Variants in CFAP74 observed in about 807,000 individuals in gnomAD.
The protein encoded by CFAP74 is cilia- and flagella-associated protein 74.
A neutral mutation model predicts 188.9 loss-of-function variants in CFAP74; 124 were observed. The observed-to-expected ratio is 0.66, with a 90% CI of 0.57 to 0.76. The LOEUF (loss-of-function observed/expected upper bound fraction) is 0.76. CFAP74 is among the 30% of genes least tolerant of loss of function. CFAP74 has a pLI of 0.00. For synonymous variants in CFAP74, 956 were observed against 916.7 expected (o/e 1.04, Z -0.77); for missense variants, 2,198 against 2,165.2 (o/e 1.02, Z -0.30).
chr1:1,983,512 G>A (rs1050809391), intron 6 of CFAP74, among the ~76,000 whole-genome samples: 3 of 152,194 alleles, frequency 2.0e-5, no homozygotes, highest in Non-Finnish European at 4.4e-5. Flanking sequence ...CGCAACGTCC[G>A]CCTGTCACAG....
intron 10 of CFAP74, among the ~76,000 whole-genome samples, chr1:1,969,484 A>G (rs1252628561): frequency 1.2e-5 from 1 of 84,646 alleles, no homozygotes; most frequent in African/African-American, 4.6e-5. Flanking sequence ...TGCCCGGCCC[A>G]GCCCTGCCCA....
intron 1 of CFAP74, 23 bp from the exon 2 acceptor site, chr1:1,990,998 A>G: frequency 6.9e-7 from 1 of 1,445,158 alleles, no homozygotes; most frequent in Non-Finnish European, 9.6e-7. Context: ...ATCGCAAAAT[A>G]TAGATCAATA....
At chr1:1,962,476 C>CA (rs556157241) in intron 14 of CFAP74, among the ~76,000 whole-genome samples, 22,624 of 69,036 alleles carry the variant, frequency 0.33, 2,768 homozygotes, top group Non-Finnish European at 0.4. Context: ...AACTCCATCT[C>CA]AAAAAAAAAA....
In CFAP74 at chr1:1,970,968, ATGCACACC is replaced by A. The variant is rs1558041821; in HGVS notation, c.889-160_889-153del. The A allele has an allele frequency of 4.2e-5, 38 of 896,214 alleles. 1 individual carries two copies. The South Asian group carries it at 5.6e-4, about 13-fold the overall frequency. The allele number at this position is 896,214 out of a possible 1,614,324, so 55.5% of individuals were successfully genotyped here. ...ACACCTGCACATGCACACATCACAC[ATGCACACC>A]TGCACACACGTGCACACACACACGC... On this transcript the variant is annotated intron_variant, in intron 9 of 38. Coordinates refer to ENST00000682832, the MANE Select transcript of CFAP74 (RefSeq NM_001304360.2).
chr1:1,987,914 C>T (rs1558062116), intron 4 of CFAP74: 2 of 337,964 alleles, frequency 5.9e-6, no homozygotes, highest in African/African-American at 2.2e-5. Context: ...GGGTGAAGTA[C>T]CCAAGTTAGG....
In CFAP74 at chr1:1,973,314, G is replaced by T. The variant is rs1387058495; in HGVS notation, c.675-267C>A. ...TTTGATCCCAGCTGGGCAGGGGTCT[G>T]GGAAGAGGACGGTGCAGGCACAGCA... On this transcript the variant is annotated intron_variant, in intron 7 of 38. Coordinates refer to ENST00000682832, the MANE Select transcript of CFAP74 (RefSeq NM_001304360.2). This position sits in a 1 kb window ranked among gnomAD's most constrained non-coding sequence, Gnocchi z 6.2. Among the ~76,000 whole-genome samples the T allele has an allele frequency of 6.6e-6, 1 of 152,216 alleles. No individual in the cohort carries two copies. Among genetic ancestry groups the T allele is most frequent in the East Asian group, 1.9e-4 (1 of 5,196 alleles).
chr1:1,987,380 G>T (rs1657307440), intron 4 of CFAP74, among the ~76,000 whole-genome samples: 1 of 152,152 alleles, frequency 6.6e-6, no homozygotes, highest in Non-Finnish European at 1.5e-5. Context: ...GGGAGGGGAG[G>T]AGCTGGAGCT....
chr1:1,949,086 CTCCCTCCCTCCTTT>C (rs1378596971), intron 18 of CFAP74, among the ~76,000 whole-genome samples: 9 of 136,982 alleles, frequency 6.6e-5, no homozygotes, highest in South Asian at 2.6e-4. Flanking sequence ...TCCCTCCTTC[CTCCCTCCCTCCTTT>C]CCTTCCTTCC....
chr1:1,948,743 C>T (rs1653961800), intron 18 of CFAP74, among the ~76,000 whole-genome samples: 1 of 152,044 alleles, frequency 6.6e-6, no homozygotes, highest in African/African-American at 2.4e-5. Context: ...TGCATGTCAC[C>T]ACGCCTGGCT....
chr1:1,945,975 TGG>T (rs34832935), intron 20 of CFAP74, among the ~76,000 whole-genome samples: 62 of 134,808 alleles, frequency 4.6e-4, no homozygotes, highest in Admixed American at 1.2e-3. Context: ...TTTGTGCGTG[TGG>T]GGGGGGCTCT....
At chr1:1,924,556 C>A in intron 33 of CFAP74, 36 bp from the exon 34 acceptor site, 1 of 1,578,270 alleles carries the variant, frequency 6.3e-7, no homozygotes, top group South Asian at 1.2e-5. Context: ...GCCCGCCAGC[C>A]CCTGCCTGGC....
intron 2 of CFAP74, among the ~76,000 whole-genome samples, chr1:1,989,741 G>A (rs1055551104): frequency 1.3e-5 from 2 of 152,212 alleles, no homozygotes; most frequent in East Asian, 1.9e-4. Flanking sequence ...GATGACAGGC[G>A]TGGGCCACCA....
At chr1:1,937,946 G>A (rs546508496) in intron 25 of CFAP74, among the ~76,000 whole-genome samples, 6 of 148,148 alleles carry the variant, frequency 4.1e-5, no homozygotes, top group Middle Eastern at 3.5e-3. Context: ...TCACATAAAC[G>A]CACTCATACA....
At position 1,923,330 on chromosome 1, in the gene CFAP74, G is replaced by A. The variant is rs1233964983; in HGVS notation, c.4522+37C>T. ...CATCCACGGGACAGGGGCACCGGGA[G>A]GCCCCGTGTCTGTTCCCTCCCTGGG... On this transcript the variant is annotated intron_variant, in intron 36 of 38. Coordinates refer to ENST00000682832, the MANE Select transcript of CFAP74 (RefSeq NM_001304360.2). The surrounding 1 kb of genome is among the most constrained non-coding windows in gnomAD (Gnocchi z 6.3). 5 of 1,536,046 alleles carry A rather than the reference G, an allele frequency of 3.3e-6. No individual in the cohort carries two copies. Among genetic ancestry groups the A allele is most frequent in the South Asian group, 2.4e-5 (2 of 83,774 alleles).
rs771412032 is a variant in CFAP74, at chr1:1,939,634, G to A, written c.2837C>T (p.Ser946Leu). The A allele has an allele frequency of 1.6e-5, 25 of 1,536,046 alleles. No individual in the cohort carries two copies. Among genetic ancestry groups the A allele is most frequent in the East Asian group, 2.4e-5 (1 of 40,916 alleles). Residue 946 changes from serine to leucine, a missense_variant, in exon 24 of 39, where the codon TCG (serine) becomes TTG (leucine). Physicochemically the swap from Ser to Leu is moderately radical, Grantham distance 145 (BLOSUM62 -2). Transcript: ENST00000682832. ...IRTEISLHNHSLLPQEFGFVR... is the reference protein window; with the variant it reads ...IRTEISLHNHLLLPQEFGFVR... ...GAACCCGAACTCCTGGGGCAGGAGC[G>A]AGTGGTTGTGGAGGCTGATTTCCGT...
Position 1,948,033 on chromosome 1 carries a change from T to C in CFAP74, c.2177-979A>G, listed in dbSNP as rs112296232. Among the ~76,000 whole-genome samples the C allele has an allele frequency of 1.2e-4, 18 of 152,210 alleles. 1 individual carries two copies. The highest frequency in any genetic ancestry group is 3.6e-4 in the African/African-American group (15 of 41,520). On this transcript the variant is annotated intron_variant, in intron 18 of 38. Transcript: ENST00000682832. ...GATTACACGCACCTGCCATCATGCC[T>C]GGCTAATTTTTGTATTTTTAGTAGA... is the stretch of plus-strand genomic sequence containing the variant.
intron 18 of CFAP74, among the ~76,000 whole-genome samples, chr1:1,949,064 CTTCCT>C (rs1176473146): frequency 4.8e-5 from 6 of 125,180 alleles, no homozygotes; most frequent in East Asian, 2.5e-4. Flanking sequence ...TCCTTCCTTC[CTTCCT>C]TTCCTTTCCC....
intron 1 of CFAP74, among the ~76,000 whole-genome samples, chr1:1,996,341 G>A (rs1028528286): frequency 2.6e-5 from 4 of 152,144 alleles, no homozygotes; most frequent in Non-Finnish European, 4.4e-5. Context: ...GAAGCATTGC[G>A]TCAGAAAGAA....
intron 26 of CFAP74, among the ~76,000 whole-genome samples, 182 bp from the exon 27 acceptor site, chr1:1,929,064 C>T (rs1032326815): frequency 6.6e-6 from 1 of 151,946 alleles, no homozygotes; most frequent in Non-Finnish European, 1.5e-5. Flanking sequence ...GGAGGCTGGG[C>T]GGGCTGCAGG....
Sources: gnomAD v4.1 joint callset for allele counts (sites outside exome capture counted in the v4.1 genomes callset) on GRCh38, gnomAD v4.1.1 for gene constraint, Gnocchi (gnomAD v3.1) non-coding constraint, MANE v1.5 for transcripts, NCBI Gene and HGNC (gene_info 2026-07-23, HGNC 2026-07-21) for gene names.